NEDD4L: variants seen among roughly 807,000 people sequenced by gnomAD.
NEDD4L encodes E3 ubiquitin-protein ligase NEDD4-like.
In NEDD4L, 54 loss-of-function variants were observed where a neutral mutation model predicts 148.9. The ratio of observed to expected loss-of-function variants is 0.36; its 90% CI spans 0.29 to 0.45. NEDD4L has a LOEUF of 0.45. Ranked by LOEUF, NEDD4L falls within the 20% of genes least tolerant of loss-of-function variation. The probability of loss-of-function intolerance (pLI) is 1.00; values close to 1 mark genes in which losing one functional copy is unlikely to be tolerated. For synonymous variants in NEDD4L, 433 were observed against 440.7 expected (o/e 0.98, Z 0.22); for missense variants, 856 against 1,233.8 (o/e 0.69, Z 4.59).
intron 1 of NEDD4L, among the ~76,000 whole-genome samples, chr18:58,094,900 T>TTAAAAAAAAAA (rs751417792): frequency 2.3e-5 from 3 of 129,508 alleles, no homozygotes; most frequent in Admixed American, 1.6e-4. Flanking sequence ...AAAGAGCACT[T>TTAAAAAAAAAA]AAAAAAAAAA....
intron 1 of NEDD4L, among the ~76,000 whole-genome samples, chr18:58,091,925 G>T (rs1019681335): frequency 3.9e-5 from 6 of 152,220 alleles, no homozygotes; most frequent in African/African-American, 9.7e-5. Flanking sequence ...GCCACTACAT[G>T]CCCTGGGAAC....
At chr18:58,262,449 C>T (rs567604514) in intron 5 of NEDD4L, among the ~76,000 whole-genome samples, 1 of 151,966 alleles carries the variant, frequency 6.6e-6, no homozygotes, top group Non-Finnish European at 1.5e-5. Context: ...AGCAACATGG[C>T]GAAGCCTCAT....
intron 5 of NEDD4L, among the ~76,000 whole-genome samples, chr18:58,289,380 A>G (rs1213531875): frequency 6.6e-6 from 1 of 152,216 alleles, no homozygotes; most frequent in Admixed American, 6.5e-5. Flanking sequence ...GCCTTGGAGT[A>G]TATGGCCTAT....
chr18:58,276,712 T>TTATTATTAA (rs1555783438), intron 5 of NEDD4L, among the ~76,000 whole-genome samples: 9 of 149,610 alleles, frequency 6.0e-5, no homozygotes, highest in East Asian at 1.9e-4. Context: ...ATTATTATTA[T>TTATTATTAA]TAATAAAATG....
intron 1 of NEDD4L, chr18:58,149,644 T>C (rs926743637): frequency 2.4e-5 from 21 of 872,540 alleles, no homozygotes; most frequent in Non-Finnish European, 4.0e-5. Context: ...CCACCCATAG[T>C]CATGATTGTG....
chr18:58,396,095 C>G (rs1371099934), intron 30 of NEDD4L, 72 bp from the exon 31 acceptor site: 1 of 1,008,732 alleles, frequency 9.9e-7, no homozygotes, highest in African/African-American at 1.6e-5. Flanking sequence ...TTACTCAAAC[C>G]TCATGCCCTA....
chr18:58,351,096 A>G (rs1357619475), intron 18 of NEDD4L, 51 bp downstream of exon 18: 1 of 1,553,192 alleles, frequency 6.4e-7, no homozygotes, highest in African/African-American at 1.4e-5. Context: ...AGAGGGAAGG[A>G]GTAATTCAAA....
intron 5 of NEDD4L, among the ~76,000 whole-genome samples, chr18:58,287,480 C>G (rs2054101111): frequency 6.6e-6 from 1 of 152,296 alleles, no homozygotes; most frequent in Non-Finnish European, 1.5e-5. Context: ...CCCTCAGGAT[C>G]ATGAGTTCAC....
At chr18:58,094,206 A>G (rs1448822738) in intron 1 of NEDD4L, among the ~76,000 whole-genome samples, 1 of 144,320 alleles carries the variant, frequency 6.9e-6, no homozygotes, top group East Asian at 2.0e-4. Context: ...TTTTTTTGAG[A>G]TAGGGTCTCC....
intron 5 of NEDD4L, among the ~76,000 whole-genome samples, chr18:58,266,119 T>A (rs1447049812): frequency 6.6e-6 from 1 of 152,086 alleles, no homozygotes; most frequent in Non-Finnish European, 1.5e-5. Context: ...ATTTCCACCA[T>A]TTGAACAAAT....
intron 3 of NEDD4L, 109 bp from the exon 4 acceptor site, chr18:58,248,790 A>G (rs529456330): frequency 4.0e-5 from 25 of 629,412 alleles, no homozygotes; most frequent in Non-Finnish European, 6.8e-5. Context: ...TGCTTCTCTT[A>G]GCTTTTTTTA....
chr18:58,105,348 C>T (rs113804949), intron 1 of NEDD4L, among the ~76,000 whole-genome samples: 60 of 152,268 alleles, frequency 3.9e-4, no homozygotes, highest in African/African-American at 1.3e-3. Context: ...TGACACAGGC[C>T]GTGCTTGCAT....
intron 4 of NEDD4L, among the ~76,000 whole-genome samples, chr18:58,251,510 T>C (rs745892307): frequency 9.2e-5 from 14 of 152,048 alleles, no homozygotes; most frequent in Non-Finnish European, 1.8e-4. Context: ...CAAGACCGTC[T>C]GTCTCTGTCT....
rs142490275 is a variant in NEDD4L, at chr18:58,216,103, G to A, written c.123-29324G>A. On this transcript the variant is annotated intron_variant, in intron 2 of 30. Coordinates refer to ENST00000400345, the MANE Select transcript of NEDD4L (RefSeq NM_001144967.3). ...TAGATTACCAATTTGCTTTCCTAAC[G>A]TGTGGTACTAGTTTATGTTGCAATC... 1.7e-3 allele frequency among the ~76,000 whole-genome samples: 264 copies of A among 151,988 alleles called. 1 individual carries two copies. The highest frequency in any genetic ancestry group is 5.2e-3 in the African/African-American group (214 of 41,442).
intron 24 of NEDD4L, among the ~76,000 whole-genome samples, chr18:58,375,615 G>A (rs943845882): frequency 7.1e-4 from 108 of 152,072 alleles, no homozygotes; most frequent in African/African-American, 2.5e-3. Context: ...TGCCCACTCT[G>A]TACCGATGCA....
At chr18:58,374,770 G>T (rs1360937217) in intron 24 of NEDD4L, among the ~76,000 whole-genome samples, 1 of 152,116 alleles carries the variant, frequency 6.6e-6, no homozygotes, top group Admixed American at 6.5e-5. Flanking sequence ...CCCTGGAAGT[G>T]CATGCTCCTC....
chr18:58,216,545 A>C (rs567572667), intron 2 of NEDD4L, among the ~76,000 whole-genome samples: 14 of 152,208 alleles, frequency 9.2e-5, no homozygotes, highest in African/African-American at 3.4e-4. Flanking sequence ...ATGGTGGGAG[A>C]TTAAATTTGG....
chr18:58,066,543 C>T (rs940114292), intron 1 of NEDD4L, among the ~76,000 whole-genome samples: 9 of 151,972 alleles, frequency 5.9e-5, no homozygotes, highest in Non-Finnish European at 1.3e-4. Flanking sequence ...TGGTCTTGAA[C>T]GCCTGACCTC....
intron 26 of NEDD4L, among the ~76,000 whole-genome samples, chr18:58,386,253 A>G (rs1295481689): frequency 6.6e-6 from 1 of 152,066 alleles, no homozygotes; most frequent in East Asian, 1.9e-4. Context: ...GGGTTTCACC[A>G]TGTTGGCCAG....
Sources: gnomAD v4.1 joint callset for allele counts (sites outside exome capture counted in the v4.1 genomes callset) on GRCh38, gnomAD v4.1.1 for gene constraint, MANE v1.5 for transcripts, NCBI Gene and HGNC (gene_info 2026-07-23, HGNC 2026-07-21) for gene names.